The following CC2D1B variants were observed in gnomAD, a reference collection of about 807,000 sequenced individuals.
The protein encoded by CC2D1B is coiled-coil and C2 domain-containing protein 1B.
CC2D1B carries 92 observed loss-of-function variants against 110.8 expected under a neutral mutation model. The ratio of observed to expected loss-of-function variants is 0.83; its 90% confidence interval spans 0.70 to 0.99. CC2D1B has a LOEUF of 0.99. Ranked by LOEUF, CC2D1B falls within the 50% of genes least tolerant of loss-of-function variation. The pLI is 0.00. For synonymous variants in CC2D1B, 406 were observed against 429.2 expected (o/e 0.95, Z 0.67); for missense variants, 1,136 against 1,089.0 (o/e 1.04, Z -0.61).
chr1:52,356,071 C>T (rs1010933803), intron 18 of CC2D1B, 115 bp downstream of exon 18: 39 of 1,007,124 alleles, frequency 3.9e-5, no homozygotes, highest in African/African-American at 2.1e-4. Flanking sequence ...AGCCCCAGTG[C>T]CCACAGCGGG....
rs1479713483 is a variant in CC2D1B, at chr1:52,354,911, G to T, written c.2268C>A (p.Ile756=). 4 of 1,614,128 alleles carry T rather than the reference G, an allele frequency of 2.5e-6. No homozygotes were observed. In the South Asian group the frequency reaches 4.4e-5, roughly 18 times the overall value. ...PEFDQLFKLN[I]NRNHRGFKRV... ...TCTTGAAGCCCCGGTGGTTTCGGTT[G>T]ATGTTTAGTTTGAAGAGTTGATCAA... Residue 756 remains isoleucine (I), a synonymous_variant, in exon 22 of 25, where the codon ATC becomes ATA. Coordinates refer to ENST00000284376, the MANE Select transcript of CC2D1B (RefSeq NM_001330585.2).
chr1:52,355,592 T>G lies in CC2D1B; in HGVS notation c.2187+16A>C, dbSNP rs759257031. 6.2e-7 allele frequency: 1 copy of G among 1,613,958 alleles called. No individual in the cohort carries two copies. Among genetic ancestry groups the G allele is most frequent in the Admixed American group, 1.7e-5 (1 of 60,020 alleles). On this transcript the variant is annotated intron_variant, in intron 20 of 24. Transcript: ENST00000284376. ...AAGGCGGGTTTCAGAGGATCCTACT[T>G]CTACCTGAACCTCACCGAGTTAGGG...
In CC2D1B at chr1:52,364,576, G is replaced by T; in HGVS notation, c.45C>A (p.Gly15=). 2 of 1,606,438 alleles carry T rather than the reference G, an allele frequency of 1.2e-6. No individual in the cohort carries two copies. The highest frequency in any genetic ancestry group is 2.2e-5 in the East Asian group (1 of 44,640). The change falls in exon 2 of 25, where the codon GGC becomes GGA. Residue 15 remains glycine (G), a synonymous_variant. Transcript: ENST00000284376. The part of the protein sequence containing the change: ...PRPRKGPQAR[G]QGVAAAKQMG... ...CCTGCTTGGCAGCGGCCACCCCTTG[G>T]CCTCTGGCCTGAGGGCCCTTCCGAG...
In CC2D1B at chr1:52,358,324, A is replaced by G. The variant is rs769053192; in HGVS notation, c.1461+7T>C. On this transcript the variant is annotated splice_region_variant and intron_variant, in intron 13 of 24. Transcript: ENST00000284376. ...CACCAGCCCTGGAGTTGAGCCCTCA[A>G]CCAAACCTCGTCCTCGTCTTTATCA... 1.2e-6 allele frequency: 2 copies of G among 1,612,658 alleles called. No individual in the cohort carries two copies.
rs1351169176 is a variant in CC2D1B at position 52,353,940 on chromosome 1, A to C, written c.2431-293T>G. 4.4e-5 allele frequency: 14 copies of C among 316,262 alleles called. No individual in the cohort carries two copies. In the South Asian group the frequency reaches 5.1e-4, roughly 11 times the overall value. 19.6% of individuals were successfully genotyped at this position (316,262 alleles called of 1,614,324 possible). On this transcript the variant is annotated intron_variant, in intron 23 of 24. Coordinates refer to ENST00000284376, the MANE Select transcript of CC2D1B (RefSeq NM_001330585.2). ...TTCTGGAAGAAACATTGGCTTGAAG[A>C]AGCAGCCTTCCACTGACCCAAACCC...
In CC2D1B at chr1:52,359,455, TGACCCTCA is replaced by T. The variant is rs1161622362; in HGVS notation, c.1014_1018+3del. On this transcript the variant is annotated splice_donor_variant and splice_donor_region_variant and coding_sequence_variant and intron_variant, in exon 9 of 25. Transcript: ENST00000284376. LOFTEE classifies it high-confidence loss of function. ...CACCGCAGCCTGAGAAGATACATAC[TGACCCTCA>T]GGTGCCGGGGGCATGGCACTCAGAT... 2 of 1,614,052 alleles carry T rather than the reference TGACCCTCA, an allele frequency of 1.2e-6. No homozygotes were observed. Among genetic ancestry groups the T allele is most frequent in the Non-Finnish European group, 1.7e-6 (2 of 1,179,960 alleles).
chr1:52,359,330 G>C lies in CC2D1B; in HGVS notation c.1046C>G (p.Ala349Gly). ...GGGAATGACTGAGGGTGCTGTGGGA[G>C]CCTGAGAAGCCTGCTGGGGCTTCAG... ...EDLKPQQASQAPTAPSVIPPA... is the reference protein window; with the variant it reads ...EDLKPQQASQGPTAPSVIPPA... Residue 349 changes from alanine to glycine, a missense_variant, in exon 10 of 25, where the codon GCT (alanine) becomes GGT (glycine). Transcript: ENST00000284376. The C allele has an allele frequency of 6.2e-7, 1 of 1,613,472 alleles. No homozygotes were observed. The highest frequency in any genetic ancestry group is 8.5e-7 in the Non-Finnish European group (1 of 1,179,890).
chr1:52,358,467 GGAGA>G lies in CC2D1B; in HGVS notation c.1331-10_1331-7del, dbSNP rs1242903940. 4.3e-6 allele frequency: 7 copies of G among 1,613,350 alleles called. No individual in the cohort carries two copies. Among genetic ancestry groups the G allele is most frequent in the Admixed American group, 3.3e-5 (2 of 59,976 alleles). ...GCCAGGGATGGGGGGAAATCCTGTG[GGAGA>G]GAGACAGCATGGGAGGGGCAGGGAG... On this transcript the variant is annotated splice_region_variant and splice_polypyrimidine_tract_variant and intron_variant, in intron 12 of 24. Coordinates refer to ENST00000284376, the MANE Select transcript of CC2D1B (RefSeq NM_001330585.2).
chr1:52,357,863 T>C lies in CC2D1B; in HGVS notation c.1497A>G (p.Lys499=). 6.3e-7 allele frequency: 1 copy of C among 1,583,892 alleles called. No homozygotes were observed. The highest frequency in any genetic ancestry group is 8.6e-7 in the Non-Finnish European group (1 of 1,167,360). ...EPPAQAPVAK[K]PARPTVPSSQ... is the part of the protein sequence containing the mutation. ...ATGAAGGGACTGTGGGCCGTGCAGGTTTCTTGGCCACTGGGGCCTGTGCTG... is the reference window on the plus strand; with the variant it reads ...ATGAAGGGACTGTGGGCCGTGCAGGCTTCTTGGCCACTGGGGCCTGTGCTG... The change falls in exon 14 of 25, where the codon AAA becomes AAG. Residue 499 remains lysine (K), a synonymous_variant. Coordinates refer to ENST00000284376, the MANE Select transcript of CC2D1B (RefSeq NM_001330585.2).
chr1:52,353,866 AC>A, intron 23 of CC2D1B: 1 of 480,860 alleles, frequency 2.1e-6, no homozygotes, highest in Non-Finnish European at 3.7e-6. Flanking sequence ...ATAAATCCAG[AC>A]AAGCATCCTA....
chr1:52,361,341 A>G, intron 4 of CC2D1B, 172 bp downstream of exon 4: 1 of 1,261,458 alleles, frequency 7.9e-7, no homozygotes, highest in African/African-American at 1.5e-5. Flanking sequence ...CCAACTGCAG[A>G]GCTTAGACCA....
chr1:52,356,830 T>C (rs1008459230), intron 16 of CC2D1B, 171 bp downstream of exon 16: 5 of 722,716 alleles, frequency 6.9e-6, no homozygotes, highest in African/African-American at 5.4e-5. Flanking sequence ...CCCCATCTCA[T>C]AGATGAGGAA....
intron 5 of CC2D1B, 38 bp downstream of exon 5, chr1:52,360,936 G>A (rs368105723): frequency 1.9e-6 from 3 of 1,611,282 alleles, no homozygotes; most frequent in South Asian, 2.2e-5. Flanking sequence ...GGGCGCACAG[G>A]AGCATCAGAG....
Position 52,353,103 on chromosome 1 carries a change from A to G in CC2D1B, c.*122T>C, listed in dbSNP as rs1036530134. ...GTGGTCAGTAGTGCACATGCTTAACAGGTCTTTGGTGCTTGGGTAGCAGCA... is the reference window on the plus strand; with the variant it reads ...GTGGTCAGTAGTGCACATGCTTAACGGGTCTTTGGTGCTTGGGTAGCAGCA... On this transcript the variant is annotated 3_prime_UTR_variant, in exon 25 of 25. Coordinates refer to ENST00000284376, the MANE Select transcript of CC2D1B (RefSeq NM_001330585.2). The G allele has an allele frequency of 9.9e-7, 1 of 1,006,570 alleles. No homozygotes were observed. The allele number at this position is 1,006,570 out of a possible 1,614,324, so 62.4% of individuals were successfully genotyped here. A position where few individuals can be genotyped will look rare whatever the true frequency, so the allele number is the denominator to read the frequency against.
chr1:52,357,375 G>C, intron 15 of CC2D1B, 151 bp downstream of exon 15: 1 of 943,776 alleles, frequency 1.1e-6, no homozygotes, highest in Non-Finnish European at 1.6e-6. Flanking sequence ...GTGAGGTAGA[G>C]GAGTATGAGC....
chr1:52,356,934 C>A, intron 16 of CC2D1B, 67 bp downstream of exon 16: 1 of 1,503,620 alleles, frequency 6.7e-7, no homozygotes. Context: ...GTGGTCTGAG[C>A]TCCAGGTCTT....
rs369770592 is a variant in CC2D1B, at chr1:52,360,439, G to C, written c.588C>G (p.Cys196Trp). 1.2e-6 allele frequency: 2 copies of C among 1,613,510 alleles called. No individual in the cohort carries two copies. The highest frequency in any genetic ancestry group is 1.7e-6 in the Non-Finnish European group (2 of 1,179,958). Residue 196 changes from cysteine (C) to tryptophan (W), a missense_variant, in exon 6 of 25, where the codon TGC (cysteine) becomes TGG (tryptophan). Coordinates refer to ENST00000284376, the MANE Select transcript of CC2D1B (RefSeq NM_001330585.2). ...EAGEAAKARRCERGLKTLESQ... is the reference protein window; with the variant it reads ...EAGEAAKARRWERGLKTLESQ... ...CCCGACTCACCTTCAGGCCGCGCTC[G>C]CAGCGCCTGGCTTTGGCTGCTTCGC...
chr1:52,361,761 G>T, intron 3 of CC2D1B, 145 bp from the exon 4 acceptor site: 2 of 1,011,846 alleles, frequency 2.0e-6, no homozygotes, highest in Non-Finnish European at 2.9e-6. Flanking sequence ...CTTCCTTTAA[G>T]ACCCAGTTCA....
At chr1:52,356,915 C>G in intron 16 of CC2D1B, 86 bp downstream of exon 16, 1 of 1,439,160 alleles carries the variant, frequency 6.9e-7, no homozygotes, top group Non-Finnish European at 9.3e-7. Context: ...ATTTTGAGTC[C>G]AGGGCTGTGT....
Sources: gnomAD v4.1 joint callset for allele counts on GRCh38, gnomAD v4.1.1 for gene constraint, MANE v1.5 for transcripts, NCBI Gene and HGNC (gene_info 2026-07-23, HGNC 2026-07-21) for gene names.